Variants in VAV3 observed in about 807,000 individuals in gnomAD.
The protein encoded by VAV3 is guanine nucleotide exchange factor VAV3.
VAV3 carries 94 observed loss-of-function variants against 131.2 expected under a neutral mutation model. The ratio of observed to expected loss-of-function variants is 0.72; its 90% confidence interval spans 0.61 to 0.85. The LOEUF is 0.85. Ranked by LOEUF, VAV3 falls within the 40% of genes least tolerant of loss-of-function variation. The pLI is 0.00. For synonymous variants in VAV3, 349 were observed against 342.0 expected (o/e 1.02, Z -0.22); for missense variants, 939 against 1,002.7 (o/e 0.94, Z 0.86).
At chr1:107,573,444 G>A in intron 26 of VAV3, 72 bp from the exon 27 acceptor site, 4 of 1,584,668 alleles carry the variant, frequency 2.5e-6, no homozygotes, top group Non-Finnish European at 3.4e-6. Flanking sequence ...TACAAACAGA[G>A]TATTTTGTTT....
chr1:107,906,752 T>A (rs1471681926), intron 1 of VAV3, among the ~76,000 whole-genome samples: 1 of 152,002 alleles, frequency 6.6e-6, no homozygotes, highest in Admixed American at 6.6e-5. Flanking sequence ...AATACCTTAA[T>A]GACTTTTTAT....
chr1:107,854,256 G>A (rs570903591), intron 2 of VAV3, among the ~76,000 whole-genome samples: 1 of 152,288 alleles, frequency 6.6e-6, no homozygotes, highest in East Asian at 1.9e-4. Flanking sequence ...GTTGCAGTTA[G>A]CCGAGATTGT....
chr1:107,862,109 C>T (rs1382616422), intron 2 of VAV3, among the ~76,000 whole-genome samples: 1 of 151,590 alleles, frequency 6.6e-6, no homozygotes, highest in Non-Finnish European at 1.5e-5. Context: ...CCATATTCAA[C>T]TAATATTTCT....
At chr1:107,890,042 C>CT (rs1180952799) in intron 1 of VAV3, among the ~76,000 whole-genome samples, 1 of 152,022 alleles carries the variant, frequency 6.6e-6, no homozygotes, top group Non-Finnish European at 1.5e-5. Flanking sequence ...GCTTATACTC[C>CT]AGATTTTAGC....
At position 107,844,350 on chromosome 1, in the gene VAV3, T is replaced by G. The variant is rs143538087; in HGVS notation, c.321+30551A>C. 7.4e-3 allele frequency among the ~76,000 whole-genome samples: 1,131 copies of G among 152,264 alleles called. 14 individuals carry two copies. The highest frequency in any genetic ancestry group is 0.016 in the African/African-American group (685 of 41,552). Reference sequence around the variant, plus strand: ...AGAACAGGAGATTCCATCTGGTGCCTACACCACCAGGGCCCTGGGTTTCAA... The same window carrying G: ...AGAACAGGAGATTCCATCTGGTGCCGACACCACCAGGGCCCTGGGTTTCAA... On this transcript the variant is annotated intron_variant, in intron 2 of 26. Transcript: ENST00000370056.
In VAV3 at chr1:107,779,473, C is replaced by T. The variant is rs1570941771; in HGVS notation, c.341G>A (p.Arg114Gln). ...CAATGCTATAGGTGTTCGAGAAAGT[C>T]GTGATAATGTTTCTATAACCTGAGA... ...DFGKVIETLS[R>Q]LSRTPIALAT... Residue 114 changes from arginine (R) to glutamine (Q), a missense_variant, in exon 3 of 27, where the codon CGA (arginine) becomes CAA (glutamine). Physicochemically the swap from Arg to Gln is conservative, Grantham distance 43 (BLOSUM62 1). Coordinates refer to ENST00000370056, the MANE Select transcript of VAV3 (RefSeq NM_006113.5). 1.9e-6 allele frequency: 3 copies of T among 1,586,808 alleles called. No individual in the cohort carries two copies. Among genetic ancestry groups the T allele is most frequent in the Admixed American group, 1.7e-5 (1 of 57,162 alleles).
intron 15 of VAV3, among the ~76,000 whole-genome samples, chr1:107,705,804 A>G (rs918631963): frequency 6.6e-6 from 1 of 152,152 alleles, no homozygotes; most frequent in Non-Finnish European, 1.5e-5. Flanking sequence ...CTAGTTTACA[A>G]ATAAGAAAAC....
At chr1:107,655,068 T>C (rs1259919154) in intron 19 of VAV3, among the ~76,000 whole-genome samples, 1 of 152,080 alleles carries the variant, frequency 6.6e-6, no homozygotes, top group African/African-American at 2.4e-5. Flanking sequence ...TTCTGCCTCA[T>C]TTCTCAACTA....
chr1:107,961,573 T>C (rs1441355792), intron 1 of VAV3, among the ~76,000 whole-genome samples: 1 of 152,250 alleles, frequency 6.6e-6, no homozygotes, highest in Non-Finnish European at 1.5e-5. Flanking sequence ...AACTGTATTA[T>C]ATAATAAGAG....
At chr1:107,807,433 T>C (rs1667109778) in intron 2 of VAV3, among the ~76,000 whole-genome samples, 1 of 152,230 alleles carries the variant, frequency 6.6e-6, no homozygotes, top group Non-Finnish European at 1.5e-5. Context: ...ACAGGACTTT[T>C]AGAGATACTC....
chr1:107,888,405 C>A (rs1362915988), intron 1 of VAV3, among the ~76,000 whole-genome samples: 1 of 152,204 alleles, frequency 6.6e-6, no homozygotes, highest in Non-Finnish European at 1.5e-5. Flanking sequence ...GAGAACACCA[C>A]TTTCTTTCTC....
intron 15 of VAV3, among the ~76,000 whole-genome samples, chr1:107,725,900 C>A (rs1393949768): frequency 6.6e-6 from 1 of 152,082 alleles, no homozygotes; most frequent in Non-Finnish European, 1.5e-5. Context: ...ATGTTTTAAG[C>A]CAATGACAAT....
At chr1:107,852,256 T>G (rs1375590040) in intron 2 of VAV3, among the ~76,000 whole-genome samples, 2 of 152,212 alleles carry the variant, frequency 1.3e-5, no homozygotes, top group East Asian at 3.8e-4. Flanking sequence ...CTATGCATAA[T>G]TCTCAACCTT....
chr1:107,798,674 A>C (rs1666676403), intron 2 of VAV3, among the ~76,000 whole-genome samples: 1 of 137,654 alleles, frequency 7.3e-6, no homozygotes, highest in Admixed American at 8.0e-5. Flanking sequence ...AGCCGAGATC[A>C]CGCCACTGCA....
chr1:107,939,574 TC>T (rs1175458223), intron 1 of VAV3, among the ~76,000 whole-genome samples: 1 of 152,202 alleles, frequency 6.6e-6, no homozygotes, highest in Non-Finnish European at 1.5e-5. Context: ...TGGTTTTCCA[TC>T]CCATCATGTC....
intron 25 of VAV3, among the ~76,000 whole-genome samples, chr1:107,581,819 T>C (rs1163638641): frequency 6.6e-6 from 1 of 152,206 alleles, no homozygotes; most frequent in Non-Finnish European, 1.5e-5. Flanking sequence ...CAGTTTTCAG[T>C]AATATTTGAA....
chr1:107,824,038 T>C (rs1361649265), intron 2 of VAV3, among the ~76,000 whole-genome samples: 2 of 152,158 alleles, frequency 1.3e-5, no homozygotes, highest in African/African-American at 2.4e-5. Flanking sequence ...ACCAGTGTCA[T>C]TGCAAAGCAG....
chr1:107,730,794 T>C (rs1404713484), intron 15 of VAV3, among the ~76,000 whole-genome samples: 1 of 152,178 alleles, frequency 6.6e-6, no homozygotes. Flanking sequence ...GGAATACCTC[T>C]TGCTTATAAA....
intron 1 of VAV3, among the ~76,000 whole-genome samples, chr1:107,961,295 T>G (rs1280158589): frequency 6.6e-6 from 1 of 152,154 alleles, no homozygotes; most frequent in South Asian, 2.1e-4. Context: ...TAGGCATTCA[T>G]GAAGATCTTC....
Sources: gnomAD v4.1 joint callset for allele counts (sites outside exome capture counted in the v4.1 genomes callset) on GRCh38, gnomAD v4.1.1 for gene constraint, MANE v1.5 for transcripts, NCBI Gene and HGNC (gene_info 2026-07-23, HGNC 2026-07-21) for gene names.